Variants in KIF1A observed in about 807,000 individuals in gnomAD.
The protein encoded by KIF1A is kinesin-like protein KIF1A.
A neutral mutation model predicts 227.3 loss-of-function variants in KIF1A; 46 were observed. That is an observed-to-expected ratio of 0.20 (90% CI 0.16 to 0.26). The LOEUF (loss-of-function observed/expected upper bound fraction) is 0.26, where lower values mean the gene tolerates loss of function less well. KIF1A is among the 10% of genes least tolerant of loss of function. The pLI, the probability that KIF1A is intolerant of heterozygous loss-of-function variation, is 1.00. For missense variants in KIF1A, 1,683 were observed against 2,485.9 expected, an observed-to-expected ratio of 0.68 and a Z score of 6.87; for synonymous variants, 1,022 against 1,012.8, an observed-to-expected ratio of 1.01 and a Z score of -0.17.
At chr2:240,783,252 G>A in intron 8 of KIF1A, 143 bp from the exon 9 acceptor site, 1 of 726,342 alleles carries the variant, frequency 1.4e-6, no homozygotes, top group Non-Finnish European at 2.5e-6. Context: ...CTTGGGCGTG[G>A]GGTGCCCTGG....
chr2:240,797,536 G>A, intron 2 of KIF1A, 111 bp downstream of exon 2: 3 of 723,330 alleles, frequency 4.1e-6, no homozygotes, highest in Non-Finnish European at 7.3e-6. Flanking sequence ...TAGACAAGGA[G>A]GTGCTCTTGC....
At chr2:240,780,830 C>CCACACACACACAGCTCCACACA (rs2053641362) in intron 10 of KIF1A, among the ~76,000 whole-genome samples, 3 of 10,078 alleles carry the variant, frequency 3.0e-4, no homozygotes, top group African/African-American at 1.2e-3. Flanking sequence ...ACACACAGCT[C>CCACACACACACAGCTCCACACA]CACACACACA....
At position 240,757,680 on chromosome 2, in the gene KIF1A, T is replaced by C; in HGVS notation, c.2583-86A>G. The C allele has an allele frequency of 7.1e-7, 1 of 1,407,870 alleles. No homozygotes were observed. The highest frequency in any genetic ancestry group is 9.6e-7 in the Non-Finnish European group (1 of 1,046,150). The allele number at this position is 1,407,870 out of a possible 1,614,324, so 87.2% of individuals were successfully genotyped here. Reference sequence around the variant, plus strand: ...GGGCCGGGGCCGGGGCTGGGGGGCTTCTGTTTAAAACCAAAACCAAACACA... The same window carrying C: ...GGGCCGGGGCCGGGGCTGGGGGGCTCCTGTTTAAAACCAAAACCAAACACA... On this transcript the variant is annotated intron_variant, in intron 26 of 48. Transcript: ENST00000498729. The surrounding 1 kb of genome is among the most constrained non-coding windows in gnomAD (Gnocchi z 6.2).
intron 2 of KIF1A, among the ~76,000 whole-genome samples, chr2:240,796,307 G>T (rs967322429): frequency 6.6e-6 from 1 of 152,220 alleles, no homozygotes; most frequent in Non-Finnish European, 1.5e-5. Flanking sequence ...ACCACAAAAG[G>T]CCAGGGCTGC....
intron 32 of KIF1A, among the ~76,000 whole-genome samples, chr2:240,745,159 C>A (rs913207544): frequency 6.6e-6 from 1 of 152,292 alleles, no homozygotes; most frequent in Non-Finnish European, 1.5e-5. Context: ...CCCCACTGCA[C>A]CTGCATCCGG....
At chr2:240,729,038 T>TCGCTGTCTGGTACACGTCAGCAC in intron 38 of KIF1A, among the ~76,000 whole-genome samples, 1 of 152,282 alleles carries the variant, frequency 6.6e-6, no homozygotes, top group Middle Eastern at 3.4e-3. Flanking sequence ...CACGTCAGCA[T>TCGCTGTCTGGTACACGTCAGCAC]CGCTGTCTGG....
chr2:240,749,258 T>A (rs919146492), intron 28 of KIF1A, among the ~76,000 whole-genome samples: 2 of 152,116 alleles, frequency 1.3e-5, no homozygotes, highest in Admixed American at 1.3e-4. Context: ...GAACCAGACA[T>A]CTTGCATCTT....
At chr2:240,761,085 T>TG in intron 24 of KIF1A, 144 bp downstream of exon 24, 1 of 1,072,562 alleles carries the variant, frequency 9.3e-7, no homozygotes, top group East Asian at 2.4e-5. Flanking sequence ...CCCACCCTTC[T>TG]GGGGGGCCAG....
rs2047795261 is a variant in KIF1A, at chr2:240,740,219, G to A, written c.3817-77C>T. Reference sequence around the variant, plus strand: ...GGGTGAGGGAGGGGGACACAGGCAGGGTAGGGGCAGGGAGAGGCTCACACC... The same window carrying A: ...GGGTGAGGGAGGGGGACACAGGCAGAGTAGGGGCAGGGAGAGGCTCACACC... On this transcript the variant is annotated intron_variant, in intron 36 of 48. Transcript: ENST00000498729. The surrounding 1 kb of genome is among the most constrained non-coding windows in gnomAD (Gnocchi z 6.1). 1.9e-6 allele frequency: 3 copies of A among 1,567,984 alleles called. No individual in the cohort carries two copies. In the Admixed American group the frequency reaches 5.2e-5, roughly 27 times the overall value.
intron 20 of KIF1A, 31 bp from the exon 21 acceptor site, chr2:240,763,377 G>A: frequency 1.9e-6 from 3 of 1,540,630 alleles, no homozygotes; most frequent in Non-Finnish European, 2.6e-6. Context: ...TGGCCTTGAG[G>A]GATGGGGATC....
At chr2:240,773,061 C>T (rs2052225697) in intron 13 of KIF1A, 53 bp downstream of exon 13, 2 of 1,537,352 alleles carry the variant, frequency 1.3e-6, no homozygotes, top group South Asian at 2.5e-5. Flanking sequence ...TGCGAGGCCC[C>T]TGAGCCTGAG....
At chr2:240,722,372 C>T in intron 43 of KIF1A, 84 bp downstream of exon 43, 1 of 1,348,180 alleles carries the variant, frequency 7.4e-7, no homozygotes, top group Non-Finnish European at 1.0e-6. Flanking sequence ...ATGGGCAAGG[C>T]CGGGTTGCTG....
At chr2:240,768,619 T>C (rs1433294719) in intron 17 of KIF1A, among the ~76,000 whole-genome samples, 1 of 152,074 alleles carries the variant, frequency 6.6e-6, no homozygotes, top group Admixed American at 6.5e-5. Flanking sequence ...ACAGGAGTCA[T>C]ATACACTCTG....
At position 240,790,044 on chromosome 2, in the gene KIF1A, C is replaced by T. The variant is rs2055470317; in HGVS notation, c.107-732G>A. Reference sequence around the variant, plus strand: ...TGAGTGTCCCAGGAGCTCCTCCCACCCACACAGCCTGCAAGTATCTCAGGG... The same window carrying T: ...TGAGTGTCCCAGGAGCTCCTCCCACTCACACAGCCTGCAAGTATCTCAGGG... On this transcript the variant is annotated intron_variant, in intron 2 of 48. Coordinates refer to ENST00000498729, the MANE Select transcript of KIF1A (RefSeq NM_001244008.2). This position sits in a 1 kb window ranked among gnomAD's most constrained non-coding sequence, Gnocchi z 5.0. Among the ~76,000 whole-genome samples, 1 of 152,206 alleles carries T rather than the reference C, an allele frequency of 6.6e-6. No individual in the cohort carries two copies. The highest frequency in any genetic ancestry group is 1.5e-5 in the Non-Finnish European group (1 of 68,028).
In KIF1A at chr2:240,766,743, TCTCTCTCACACA is replaced by T. The variant is rs1221273896; in HGVS notation, c.1684+160_1684+171del. 8.0e-6 allele frequency among the ~76,000 whole-genome samples: 1 copy of T among 125,516 alleles called. No homozygotes were observed. Among genetic ancestry groups the T allele is most frequent in the Non-Finnish European group, 1.6e-5 (1 of 60,964 alleles). 82.3% of individuals were successfully genotyped at this position (125,516 alleles called of 152,430 possible). ...CCAAATCTCTCTCTCTCTCTCTCTCTCTCTCTCACACACACACACACACACACACACACACAC... is the reference window on the plus strand; with the variant it reads ...CCAAATCTCTCTCTCTCTCTCTCTCTCACACACACACACACACACACACAC... On this transcript the variant is annotated intron_variant, in intron 19 of 48. Transcript: ENST00000498729. The surrounding 1 kb of genome is among the most constrained non-coding windows in gnomAD (Gnocchi z 5.0).
At chr2:240,741,129 C>T (rs955139284) in intron 35 of KIF1A, 140 bp downstream of exon 35, 24 of 612,486 alleles carry the variant, frequency 3.9e-5, no homozygotes, top group Non-Finnish European at 5.5e-5. Context: ...GAGGCCGGGC[C>T]CACAAGAGGT....
chr2:240,765,536 T>A (rs2051062514), intron 20 of KIF1A, among the ~76,000 whole-genome samples, 174 bp downstream of exon 20: 2 of 152,198 alleles, frequency 1.3e-5, no homozygotes, highest in Admixed American at 1.3e-4. Flanking sequence ...GTTGGGGGAC[T>A]GGGGAGGCAC....
At position 240,816,185 on chromosome 2, in the gene KIF1A, CATGT is replaced by C. The variant is rs1215915786; in HGVS notation, c.-61+3933_-61+3936del. ...GTGTGTGTGTCTATCTGCATGCATG[CATGT>C]GTGTATGCATGCGTGCATAAGCATG... is the stretch of plus-strand genomic sequence containing the variant. On this transcript the variant is annotated intron_variant, in intron 1 of 48. Coordinates refer to ENST00000498729, the MANE Select transcript of KIF1A (RefSeq NM_001244008.2). Among the ~76,000 whole-genome samples the C allele has an allele frequency of 6.6e-5, 10 of 151,066 alleles. No homozygotes were observed. In the South Asian group the frequency reaches 1.5e-3, roughly 22 times the overall value.
In KIF1A at chr2:240,793,195, C is replaced by T. The variant is rs186439523; in HGVS notation, c.107-3883G>A. On this transcript the variant is annotated intron_variant, in intron 2 of 48. Coordinates refer to ENST00000498729, the MANE Select transcript of KIF1A (RefSeq NM_001244008.2). This position sits in a 1 kb window ranked among gnomAD's most constrained non-coding sequence, Gnocchi z 4.8. ...CGGAGGCTGGGGGCCTGGGTCGCAC[C>T]CACCCTGGGTCCAGATCCCCATCTG... Among the ~76,000 whole-genome samples the T allele has an allele frequency of 2.6e-5, 4 of 152,308 alleles. No individual in the cohort carries two copies. The highest frequency in any genetic ancestry group is 7.2e-5 in the African/African-American group (3 of 41,570).
Sources: allele counts gnomAD v4.1 joint callset (sites outside exome capture counted in the v4.1 genomes callset), GRCh38; gene constraint gnomAD v4.1.1; non-coding constraint Gnocchi (gnomAD v3.1); transcripts MANE v1.5; gene names NCBI Gene and HGNC (gene_info 2026-07-23, HGNC 2026-07-21).